TMEM108: variants seen among roughly 807,000 people sequenced by gnomAD.
TMEM108 encodes the protein transmembrane protein 108.
Under a neutral mutation model 35.1 loss-of-function variants are expected in TMEM108, and 12 were observed. That is an observed-to-expected ratio of 0.34 (90% CI 0.22 to 0.55). The LOEUF (loss-of-function observed/expected upper bound fraction) is 0.55, where lower values mean the gene tolerates loss of function less well. Ranked by LOEUF, TMEM108 falls within the 20% of genes least tolerant of loss-of-function variation. The probability of loss-of-function intolerance (pLI) is 0.89; values close to 1 mark genes in which losing one functional copy is unlikely to be tolerated. For synonymous variants in TMEM108, 287 were observed against 308.6 expected (o/e 0.93, Z 0.73); for missense variants, 680 against 753.3 (o/e 0.90, Z 1.14).
chr3:133,081,127 A>C (rs762971227), intron 2 of TMEM108, among the ~76,000 whole-genome samples: 2 of 152,192 alleles, frequency 1.3e-5, no homozygotes, highest in Non-Finnish European at 2.9e-5. Flanking sequence ...CCATACCTTC[A>C]TCATTTCTCA....
chr3:133,169,332 T>TTCTAAGCTTTGTG (rs11275143), intron 2 of TMEM108, among the ~76,000 whole-genome samples: 150,822 of 152,356 alleles, frequency 0.99, 74,664 homozygotes, highest in East Asian at 1. Context: ...TTTCTGTATT[T>TTCTAAGCTTTGTG]CAGTAAGCAT....
chr3:133,235,450 A>G (rs539457175), intron 3 of TMEM108, among the ~76,000 whole-genome samples: 83 of 152,316 alleles, frequency 5.4e-4, no homozygotes, highest in Middle Eastern at 3.4e-3. Context: ...ATAACGCTGC[A>G]TATCTACAAC....
intron 2 of TMEM108, among the ~76,000 whole-genome samples, chr3:133,077,455 C>A (rs1189283797): frequency 6.6e-6 from 1 of 152,074 alleles, no homozygotes; most frequent in East Asian, 1.9e-4. Context: ...CTGCAGAGCA[C>A]CCTGGAACAC....
Position 133,380,266 on chromosome 3 carries a change from T to A in TMEM108, c.555T>A (p.Pro185=). ...GAGNSSRPVP[P]APGGHSRSKE... Reference sequence around the variant, plus strand: ...GTAATTCATCACGCCCTGTCCCGCCTGCACCTGGTGGCCACTCCAGGAGTA... The same window carrying A: ...GTAATTCATCACGCCCTGTCCCGCCAGCACCTGGTGGCCACTCCAGGAGTA... Residue 185 remains proline (P), a synonymous_variant, in exon 4 of 6, where the codon CCT becomes CCA. Coordinates refer to ENST00000321871, the MANE Select transcript of TMEM108 (RefSeq NM_023943.4). The surrounding 1 kb of genome is among the most constrained non-coding windows in gnomAD (Gnocchi z 5.3). 6.2e-7 allele frequency: 1 copy of A among 1,613,818 alleles called. No homozygotes were observed. Among genetic ancestry groups the A allele is most frequent in the Non-Finnish European group, 8.5e-7 (1 of 1,179,942 alleles).
intron 2 of TMEM108, among the ~76,000 whole-genome samples, chr3:133,049,948 G>T (rs1943383716): frequency 6.6e-6 from 1 of 152,110 alleles, no homozygotes; most frequent in Non-Finnish European, 1.5e-5. Context: ...TCTAAAGCAA[G>T]TTTTCCAACA....
chr3:133,218,508 A>G (rs1201358351), intron 2 of TMEM108, among the ~76,000 whole-genome samples: 1 of 151,822 alleles, frequency 6.6e-6, no homozygotes, highest in Non-Finnish European at 1.5e-5. Flanking sequence ...TCAATTTTAC[A>G]TTGTTGCATA....
At chr3:133,167,493 G>A (rs947227507) in intron 2 of TMEM108, among the ~76,000 whole-genome samples, 6 of 152,258 alleles carry the variant, frequency 3.9e-5, no homozygotes, top group South Asian at 4.1e-4. Flanking sequence ...GCCCACCGTG[G>A]GGGGACTTGG....
intron 3 of TMEM108, among the ~76,000 whole-genome samples, chr3:133,338,779 T>A (rs1348648230): frequency 6.6e-6 from 1 of 152,040 alleles, no homozygotes; most frequent in African/African-American, 2.4e-5. Flanking sequence ...CGATAAGATA[T>A]AAATAGAAAC....
chr3:133,193,616 TC>T (rs200639868), intron 2 of TMEM108, among the ~76,000 whole-genome samples: 2,610 of 152,254 alleles, frequency 0.017, 97 homozygotes, highest in African/African-American at 0.059. Context: ...AGTGAAACAG[TC>T]CCATCTGGCA....
intron 3 of TMEM108, among the ~76,000 whole-genome samples, chr3:133,289,271 T>C (rs1947029420): frequency 6.6e-6 from 1 of 152,154 alleles, no homozygotes; most frequent in Admixed American, 6.6e-5. Context: ...ACCAAAACTT[T>C]GAGGTAGATA....
chr3:133,365,930 G>A (rs1382532212), intron 3 of TMEM108, among the ~76,000 whole-genome samples: 1 of 151,956 alleles, frequency 6.6e-6, no homozygotes, highest in Non-Finnish European at 1.5e-5. Flanking sequence ...AAAGAAGTTT[G>A]CAGCTGGCAG....
chr3:133,314,053 A>T (rs2071166978), intron 3 of TMEM108, among the ~76,000 whole-genome samples: 1 of 152,094 alleles, frequency 6.6e-6, no homozygotes, highest in Non-Finnish European at 1.5e-5. Flanking sequence ...TAGTCAAAAA[A>T]ACTTCTCTGA....
intron 3 of TMEM108, among the ~76,000 whole-genome samples, chr3:133,271,812 C>G (rs1309267023): frequency 6.6e-6 from 1 of 152,074 alleles, no homozygotes; most frequent in African/African-American, 2.4e-5. Context: ...CATGGGCCAA[C>G]CTTATTCCTG....
At chr3:133,303,087 A>AAG (rs1417249750) in intron 3 of TMEM108, 3 of 152,188 alleles carry the variant, frequency 2.0e-5, no homozygotes, top group Admixed American at 6.5e-5. Flanking sequence ...GAATAAAGCT[A>AAG]TTCTATGGGG....
intron 3 of TMEM108, among the ~76,000 whole-genome samples, chr3:133,311,983 C>T (rs566310685): frequency 6.6e-6 from 1 of 152,346 alleles, no homozygotes; most frequent in East Asian, 1.9e-4. Flanking sequence ...AGCTGCAGGT[C>T]TGTTGGAGTT....
At chr3:133,307,509 A>G (rs1014431928) in intron 3 of TMEM108, among the ~76,000 whole-genome samples, 2 of 152,148 alleles carry the variant, frequency 1.3e-5, no homozygotes, top group Admixed American at 6.5e-5. Flanking sequence ...TTTTAGGTCT[A>G]ACATTTAAGT....
At chr3:133,249,210 T>C (rs1015871625) in intron 3 of TMEM108, among the ~76,000 whole-genome samples, 1 of 152,150 alleles carries the variant, frequency 6.6e-6, no homozygotes, top group African/African-American at 2.4e-5. Flanking sequence ...GCTGATGTGA[T>C]AGGAGGAAGA....
intron 3 of TMEM108, chr3:133,378,279 G>A: frequency 1.4e-5 from 13 of 943,034 alleles, no homozygotes; most frequent in Non-Finnish European, 1.6e-5. Flanking sequence ...ACCAAACGGT[G>A]ATCCTGGGCC....
At chr3:133,184,065 T>C (rs1945386068) in intron 2 of TMEM108, among the ~76,000 whole-genome samples, 1 of 152,058 alleles carries the variant, frequency 6.6e-6, no homozygotes, top group South Asian at 2.1e-4. Flanking sequence ...CCTGCGTAAC[T>C]CCCAACTCCC....
Sources: allele counts gnomAD v4.1 joint callset (sites outside exome capture counted in the v4.1 genomes callset), GRCh38; gene constraint gnomAD v4.1.1; non-coding constraint Gnocchi (gnomAD v3.1); transcripts MANE v1.5; gene names NCBI Gene and HGNC (gene_info 2026-07-23, HGNC 2026-07-21).